RBFOX1: variants seen among roughly 807,000 people sequenced by gnomAD.
The protein encoded by RBFOX1 is RNA binding protein fox-1 homolog 1.
In RBFOX1, 8 loss-of-function variants were observed where a neutral mutation model predicts 57.7. The observed-to-expected ratio is 0.14, with a 90% CI of 0.08 to 0.25. The LOEUF is 0.25. Ranked by LOEUF, RBFOX1 falls within the 10% of genes least tolerant of loss-of-function variation. The pLI, the probability that RBFOX1 is intolerant of heterozygous loss-of-function variation, is 1.00. For synonymous variants in RBFOX1, 326 were observed against 222.4 expected (o/e 1.47, Z -4.15); for missense variants, 611 against 548.5 (o/e 1.11, Z -1.14).
At chr16:5,604,734 G>A (rs1156740161), downstream of RBFOX1, among the ~76,000 whole-genome samples, 1 of 152,154 alleles carries the variant, frequency 6.6e-6, no homozygotes, top group African/African-American at 2.4e-5. Flanking sequence ...TTGGGGCCAA[G>A]TGTGCTGCTA....
rs536209965 is a variant in RBFOX1 at position 6,694,019 on chromosome 16, A to G, written c.-16+39369A>G. On this transcript the variant is annotated intron_variant, in intron 3 of 15. Coordinates refer to ENST00000550418, the MANE Select transcript of RBFOX1 (RefSeq NM_018723.4). ...TACTTTGTTACAAGTTTAGTTTTCTATTGTAATATAGGCATGTGTTTGTCA... is the reference window on the plus strand; with the variant it reads ...TACTTTGTTACAAGTTTAGTTTTCTGTTGTAATATAGGCATGTGTTTGTCA... 5.3e-5 allele frequency among the ~76,000 whole-genome samples: 8 copies of G among 152,366 alleles called. No homozygotes were observed. In the South Asian group the frequency reaches 1.2e-3, roughly 24 times the overall value.
intron 1 of RBFOX1, among the ~76,000 whole-genome samples, chr16:6,054,755 A>G (rs932712844): frequency 2.0e-5 from 3 of 152,090 alleles, no homozygotes; most frequent in Admixed American, 2.0e-4. Context: ...TCATCGGTGG[A>G]TGTTATGCTA....
chr16:5,665,373 C>T (rs931924837), intron 3 of RBFOX1, among the ~76,000 whole-genome samples: 4 of 151,648 alleles, frequency 2.6e-5, no homozygotes, highest in African/African-American at 9.7e-5. Context: ...GACATCCTAT[C>T]TTATGGGCCT....
intron 3 of RBFOX1, among the ~76,000 whole-genome samples, chr16:6,771,438 A>C (rs534476983): frequency 5.9e-5 from 9 of 152,156 alleles, no homozygotes; most frequent in Non-Finnish European, 1.0e-4. Context: ...TCCTGTCTGC[A>C]TTGGTGTCTT....
intron 3 of RBFOX1, among the ~76,000 whole-genome samples, chr16:7,036,456 A>C (rs1196621543): frequency 6.6e-6 from 1 of 151,996 alleles, no homozygotes; most frequent in Non-Finnish European, 1.5e-5. Context: ...CACGCTTGTA[A>C]TCTCAATACT....
At chr16:7,689,605 C>T (rs2076891487) in intron 14 of RBFOX1, among the ~76,000 whole-genome samples, 1 of 152,002 alleles carries the variant, frequency 6.6e-6, no homozygotes, top group Non-Finnish European at 1.5e-5. Flanking sequence ...GCACTCTAGG[C>T]ATTCTTATCT....
intron 1 of RBFOX1, among the ~76,000 whole-genome samples, chr16:6,265,864 ACTT>A (rs1443118732): frequency 6.6e-6 from 1 of 151,548 alleles, no homozygotes; most frequent in African/African-American, 2.4e-5. Flanking sequence ...TCTCCTCCTC[ACTT>A]CTTGTACATT....
intron 4 of RBFOX1, among the ~76,000 whole-genome samples, chr16:7,235,727 C>T (rs982810558): frequency 1.3e-5 from 2 of 152,108 alleles, no homozygotes; most frequent in Non-Finnish European, 2.9e-5. Flanking sequence ...TCCTGCCTTG[C>T]AATTTATATA....
At chr16:6,076,446 C>G (rs187665049) in intron 1 of RBFOX1, among the ~76,000 whole-genome samples, 16 of 152,154 alleles carry the variant, frequency 1.1e-4, no homozygotes, top group African/African-American at 3.9e-4. Flanking sequence ...CAGTGTTTGC[C>G]TGAGCTTTTG....
intron 5 of RBFOX1, among the ~76,000 whole-genome samples, chr16:7,572,890 G>A (rs977154762): frequency 1.7e-5 from 2 of 117,048 alleles, no homozygotes; most frequent in African/African-American, 5.8e-5. Context: ...AATGTCAATG[G>A]TACTGACATT....
chr16:7,560,332 A>T (rs2090018942), intron 5 of RBFOX1, among the ~76,000 whole-genome samples: 1 of 152,198 alleles, frequency 6.6e-6, no homozygotes, highest in Admixed American at 6.5e-5. Context: ...CAAGGCCACC[A>T]AATTTCATGT....
At chr16:6,136,932 C>T (rs988394541) in intron 1 of RBFOX1, among the ~76,000 whole-genome samples, 3 of 152,092 alleles carry the variant, frequency 2.0e-5, no homozygotes, top group Non-Finnish European at 2.9e-5. Context: ...AACAATTTAC[C>T]AAGCAGTGGA....
intron 3 of RBFOX1, among the ~76,000 whole-genome samples, chr16:6,900,795 A>G (rs1231501490): frequency 6.6e-6 from 1 of 152,170 alleles, no homozygotes; most frequent in African/African-American, 2.4e-5. Flanking sequence ...CACAGCACAC[A>G]ATGCCATTCC....
At chr16:7,439,120 A>C (rs939702567) in intron 4 of RBFOX1, among the ~76,000 whole-genome samples, 1 of 152,174 alleles carries the variant, frequency 6.6e-6, no homozygotes, top group Non-Finnish European at 1.5e-5. Flanking sequence ...CGCGCTGGCA[A>C]ATGGATGCCC....
intron 3 of RBFOX1, among the ~76,000 whole-genome samples, chr16:6,929,553 G>T (rs1326287739): frequency 6.6e-6 from 1 of 152,102 alleles, no homozygotes; most frequent in African/African-American, 2.4e-5. Context: ...TATGACTGTA[G>T]CTGTGAGGGA....
intron 4 of RBFOX1, among the ~76,000 whole-genome samples, chr16:7,060,301 C>A (rs58012562): frequency 2.6e-5 from 4 of 152,018 alleles, no homozygotes; most frequent in African/African-American, 9.7e-5. Flanking sequence ...TTAGCCAACC[C>A]CTGCTGGTGA....
In RBFOX1 at chr16:7,261,611, T is replaced by G. The variant is rs534539891; in HGVS notation, c.27+209513T>G. 1.4e-4 allele frequency among the ~76,000 whole-genome samples: 22 copies of G among 152,318 alleles called. No individual in the cohort carries two copies. In the South Asian group the frequency reaches 4.6e-3, roughly 32 times the overall value. Reference sequence around the variant, plus strand: ...TTCCCTGTGCAGAGGCAGTATAGAATGAGGCTCAGGAACTCAGGCTCTGTA... The same window carrying G: ...TTCCCTGTGCAGAGGCAGTATAGAAGGAGGCTCAGGAACTCAGGCTCTGTA... On this transcript the variant is annotated intron_variant, in intron 4 of 15. Coordinates refer to ENST00000550418, the MANE Select transcript of RBFOX1 (RefSeq NM_018723.4).
chr16:7,074,678 A>G lies in RBFOX1; in HGVS notation c.27+22580A>G, dbSNP rs535395117. Among the ~76,000 whole-genome samples, 5 of 152,324 alleles carry G rather than the reference A, an allele frequency of 3.3e-5. No homozygotes were observed. In the East Asian group the frequency reaches 5.8e-4, roughly 18 times the overall value. ...ACCATTTTAAGGAATAAAAGCTAAG[A>G]TTTTCCAAATTTGGTGAAAACATCA... On this transcript the variant is annotated intron_variant, in intron 4 of 15. Coordinates refer to ENST00000550418, the MANE Select transcript of RBFOX1 (RefSeq NM_018723.4).
chr16:5,955,362 AAAAT>A (rs1567187928), intron 4 of RBFOX1, among the ~76,000 whole-genome samples: 25 of 20,002 alleles, frequency 1.2e-3, no homozygotes, highest in South Asian at 6.8e-3. Flanking sequence ...AAATAAAAAT[AAAAT>A]AAAATAAAAT....
Sources: allele counts gnomAD v4.1 joint callset (sites outside exome capture counted in the v4.1 genomes callset), GRCh38; gene constraint gnomAD v4.1.1; transcripts MANE v1.5; gene names NCBI Gene and HGNC (gene_info 2026-07-23, HGNC 2026-07-21).